Variants in LRAT observed in about 807,000 individuals in gnomAD.
The protein encoded by LRAT is lecithin retinol acyltransferase (phosphatidylcholine--retinol O-acyltransferase).
Under a neutral mutation model 14.2 loss-of-function variants are expected in LRAT, and 11 were observed. That is an observed-to-expected ratio of 0.78 (90% CI 0.49 to 1.29). The LOEUF (loss-of-function observed/expected upper bound fraction) is 1.29, where lower values mean the gene tolerates loss of function less well. Ranked by LOEUF, LRAT falls within the 50% of genes most tolerant of loss-of-function variation. The probability of loss-of-function intolerance (pLI) is 0.00; values close to 1 mark genes in which losing one functional copy is unlikely to be tolerated. For synonymous variants in LRAT, 144 were observed against 124.8 expected (o/e 1.15, Z -1.03); for missense variants, 274 against 292.4 (o/e 0.94, Z 0.46).
At position 154,744,400 on chromosome 4, in the gene LRAT, T is replaced by C; in HGVS notation, c.74T>C (p.Phe25Ser). ...CTCCTCATCTCCAACTTCACGCTCT[T>C]TAGTTCGGGCGCCGCGGGCGAAGAC... ...KLLLISNFTL[F>S]SSGAAGEDKG... The change falls in exon 2 of 3, where the codon TTT becomes TCT. Residue 25 changes from phenylalanine to serine, a missense_variant. Transcript: ENST00000336356. 1 of 1,614,096 alleles carries C rather than the reference T, an allele frequency of 6.2e-7. No homozygotes were observed. Among genetic ancestry groups the C allele is most frequent in the Non-Finnish European group, 8.5e-7 (1 of 1,180,022 alleles).
At chr4:154,746,625 T>C (rs1330250894) in intron 2 of LRAT, among the ~76,000 whole-genome samples, 1 of 152,182 alleles carries the variant, frequency 6.6e-6, no homozygotes, top group Non-Finnish European at 1.5e-5. Flanking sequence ...AAATCATTTC[T>C]CTAAGGAAAA....
chr4:154,749,223 A>G lies in LRAT; in HGVS notation c.*87A>G. On this transcript the variant is annotated 3_prime_UTR_variant, in exon 3 of 3. Coordinates refer to ENST00000336356, the MANE Select transcript of LRAT (RefSeq NM_004744.5). ...TCAATCAATATAAGCATTATTGAGA[A>G]AAATGTGACCCGTAACACTGTGTTC... The G allele has an allele frequency of 7.2e-7, 1 of 1,392,254 alleles. No homozygotes were observed. The highest frequency in any genetic ancestry group is 1.4e-5 in the African/African-American group (1 of 70,706). The allele number at this position is 1,392,254 out of a possible 1,614,324, so 86.2% of individuals were successfully genotyped here.
intron 2 of LRAT, among the ~76,000 whole-genome samples, chr4:154,747,185 A>G (rs531764753): frequency 6.6e-6 from 1 of 152,292 alleles, no homozygotes; most frequent in South Asian, 2.1e-4. Context: ...CCTAAGGAAA[A>G]CACTGCAATT....
At chr4:154,745,825 A>T (rs969437049) in intron 2 of LRAT, among the ~76,000 whole-genome samples, 4 of 152,016 alleles carry the variant, frequency 2.6e-5, no homozygotes, top group Non-Finnish European at 4.4e-5. Context: ...TGTATTTTCC[A>T]TGGTATTCTG....
At chr4:154,742,239 C>A (rs1222513297), upstream of LRAT, among the ~76,000 whole-genome samples, 1 of 151,752 alleles carries the variant, frequency 6.6e-6, no homozygotes, top group Admixed American at 6.6e-5. Flanking sequence ...ATAAAAAAAT[C>A]TCCACGTCCA....
Position 154,749,121 on chromosome 4 carries a change from A to G in LRAT, c.678A>G (p.Leu226=). 4 of 1,613,692 alleles carry G rather than the reference A, an allele frequency of 2.5e-6. No homozygotes were observed. Among genetic ancestry groups the G allele is most frequent in the Non-Finnish European group, 3.4e-6 (4 of 1,179,678 alleles). The change falls in exon 3 of 3, where the codon CTA becomes CTG. Residue 226 remains leucine, a synonymous_variant. Coordinates refer to ENST00000336356, the MANE Select transcript of LRAT (RefSeq NM_004744.5). Reference sequence around the variant, plus strand: ...CTGCAATTTTTATTCCATTCTTCCTATGGATGGCTGGCTAACTTCATACCC... The same window carrying G: ...CTGCAATTTTTATTCCATTCTTCCTGTGGATGGCTGGCTAACTTCATACCC... ...TLPAIFIPFF[L]WMAG
At chr4:154,743,107 C>A (rs980592883), upstream of LRAT, among the ~76,000 whole-genome samples, 14 of 119,712 alleles carry the variant, frequency 1.2e-4, no homozygotes, top group South Asian at 1.3e-3. Context: ...ACTGGACTCG[C>A]GGGTAGCGAC....
rs1214134558 is a variant in LRAT, at chr4:154,749,254, A to G, written c.*118A>G. 1 of 1,177,414 alleles carries G rather than the reference A, an allele frequency of 8.5e-7. No individual in the cohort carries two copies. The highest frequency in any genetic ancestry group is 2.3e-5 in the East Asian group (1 of 42,614). The allele number at this position is 1,177,414 out of a possible 1,614,324, so 72.9% of individuals were successfully genotyped here. On this transcript the variant is annotated 3_prime_UTR_variant, in exon 3 of 3. Coordinates refer to ENST00000336356, the MANE Select transcript of LRAT (RefSeq NM_004744.5). Reference sequence around the variant, plus strand: ...TGACCCGTAACACTGTGTTCTGGATAAAAATGTGATTAGGAATCACGCAAA... The same window carrying G: ...TGACCCGTAACACTGTGTTCTGGATGAAAATGTGATTAGGAATCACGCAAA...
chr4:154,743,596 G>A (rs1482898413), upstream of LRAT, among the ~76,000 whole-genome samples: 1 of 152,124 alleles, frequency 6.6e-6, no homozygotes, highest in Non-Finnish European at 1.5e-5. Flanking sequence ...TTATTAAGCC[G>A]AAGTCCCTCA....
chr4:154,744,949 G>A (rs1206370024), intron 2 of LRAT, 83 bp downstream of exon 2: 69 of 1,358,164 alleles, frequency 5.1e-5, no homozygotes, highest in Non-Finnish European at 7.1e-5. Flanking sequence ...CCCGCGAGTA[G>A]GGATCTAATT....
At chr4:154,748,445 C>A in intron 2 of LRAT, 1 of 958,510 alleles carries the variant, frequency 1.0e-6, no homozygotes, top group Non-Finnish European at 1.2e-6. Flanking sequence ...CATAATTGAT[C>A]CTGAATTTAG....
In LRAT at chr4:154,744,337, C is replaced by G. The variant is rs144471673; in HGVS notation, c.11C>G (p.Pro4Arg). 3 of 1,614,026 alleles carry G rather than the reference C, an allele frequency of 1.9e-6. No individual in the cohort carries two copies. In the African/African-American group the frequency reaches 4.0e-5, roughly 22 times the overall value. The stretch of plus-strand genomic sequence containing the variant: ...CCTCTTCCCTGCAGGATGAAGAACC[C>G]CATGCTGGAGGTGGTGTCTTTACTA... MKN[P>R]MLEVVSLLLE... Residue 4 changes from proline (P) to arginine (R), a missense_variant, in exon 2 of 3, where the codon CCC becomes CGC. Physicochemically the swap from Pro to Arg is moderately radical, Grantham distance 103. Coordinates refer to ENST00000336356, the MANE Select transcript of LRAT (RefSeq NM_004744.5).
Position 154,744,195 on chromosome 4 carries a change from T to C in LRAT, c.-29T>C. On this transcript the variant is annotated 5_prime_UTR_variant, in exon 1 of 3. Coordinates refer to ENST00000336356, the MANE Select transcript of LRAT (RefSeq NM_004744.5). ...CTTCCTCTCTCCTCAGCGGCCGTAC[T>C]TTGCGCCGTACCTCACCTGGCCTGC... 4.2e-6 allele frequency: 4 copies of C among 952,268 alleles called. No homozygotes were observed. Among genetic ancestry groups the C allele is most frequent in the Non-Finnish European group, 5.0e-6 (3 of 605,496 alleles). The allele number at this position is 952,268 out of a possible 1,614,324, so 59.0% of individuals were successfully genotyped here. A position where few individuals can be genotyped will look rare whatever the true frequency, so the allele number is the denominator to read the frequency against.
chr4:154,744,950 G>T, intron 2 of LRAT, 84 bp downstream of exon 2: 2 of 1,359,840 alleles, frequency 1.5e-6, no homozygotes, highest in Middle Eastern at 3.6e-4. Flanking sequence ...CCGCGAGTAG[G>T]GATCTAATTC....
At chr4:154,746,128 A>G (rs1219066305) in intron 2 of LRAT, among the ~76,000 whole-genome samples, 1 of 152,206 alleles carries the variant, frequency 6.6e-6, no homozygotes, top group Non-Finnish European at 1.5e-5. Flanking sequence ...TTCACTTACA[A>G]TTGGAAACTT....
At chr4:154,748,186 C>T (rs2111037290) in intron 2 of LRAT, 1 of 977,218 alleles carries the variant, frequency 1.0e-6, no homozygotes, top group Non-Finnish European at 1.2e-6. Context: ...TATGTTTATA[C>T]AGCACGTAGA....
At chr4:154,747,135 T>G (rs1732898320) in intron 2 of LRAT, among the ~76,000 whole-genome samples, 1 of 152,090 alleles carries the variant, frequency 6.6e-6, no homozygotes, top group African/African-American at 2.4e-5. Context: ...TGCCTCTTAC[T>G]TAAATTTGAG....
Position 154,752,906 on chromosome 4 carries a change from A to T in LRAT, c.*3770A>T, listed in dbSNP as rs886059178. ...TCTTGTTTTTCTATTTTTCTACTTCATACTGTTAATGTCAAATATCAAAAA... is the reference window on the plus strand; with the variant it reads ...TCTTGTTTTTCTATTTTTCTACTTCTTACTGTTAATGTCAAATATCAAAAA... On this transcript the variant is annotated 3_prime_UTR_variant, in exon 3 of 3. Transcript: ENST00000336356. The T allele has an allele frequency of 6.6e-6, 1 of 152,036 alleles. No individual in the cohort carries two copies. The highest frequency in any genetic ancestry group is 1.5e-5 in the Non-Finnish European group (1 of 68,002). The allele number at this position is 152,036 out of a possible 1,614,324, so 9.4% of individuals were successfully genotyped here.
Position 154,744,359 on chromosome 4 carries a change from A to C in LRAT, c.33A>C (p.Leu11Phe). The C allele has an allele frequency of 6.2e-7, 1 of 1,614,080 alleles. No individual in the cohort carries two copies. The highest frequency in any genetic ancestry group is 8.5e-7 in the Non-Finnish European group (1 of 1,180,030). Reference sequence around the variant, plus strand: ...ACCCCATGCTGGAGGTGGTGTCTTTACTACTGGAGAAGCTGCTCCTCATCT... The same window carrying C: ...ACCCCATGCTGGAGGTGGTGTCTTTCCTACTGGAGAAGCTGCTCCTCATCT... Reference protein sequence around the residue: MKNPMLEVVSLLLEKLLLISN... With the variant: MKNPMLEVVSFLLEKLLLISN... The change falls in exon 2 of 3, where the codon TTA becomes TTC. Residue 11 changes from leucine (L) to phenylalanine (F), a missense_variant. By Grantham distance (22) the Leu-to-Phe change is conservative. Transcript: ENST00000336356.
Sources: gnomAD v4.1 joint callset for allele counts (sites outside exome capture counted in the v4.1 genomes callset) on GRCh38, gnomAD v4.1.1 for gene constraint, MANE v1.5 for transcripts, NCBI Gene and HGNC (gene_info 2026-07-23, HGNC 2026-07-21) for gene names.